The following ANKRD31 variants were observed in gnomAD, a reference collection of about 807,000 sequenced individuals.
ANKRD31 encodes the protein ankyrin repeat domain 31, also known as ankyrin repeat domain-containing protein 31.
ANKRD31 carries 147 observed loss-of-function variants against 186.0 expected under a neutral mutation model. The observed-to-expected ratio is 0.79, with a 90% confidence interval of 0.69 to 0.91. ANKRD31 has a LOEUF of 0.91. ANKRD31 is among the 40% of genes least tolerant of loss of function. The probability of loss-of-function intolerance (pLI) is 0.00; values close to 1 mark genes in which losing one functional copy is unlikely to be tolerated. For missense variants in ANKRD31, 1,986 were observed against 2,148.8 expected, an observed-to-expected ratio of 0.92 and a Z score of 1.50; for synonymous variants, 673 against 736.4, an observed-to-expected ratio of 0.91 and a Z score of 1.39.
chr5:75,141,271 A>T (rs1337665679), intron 15 of ANKRD31, among the ~76,000 whole-genome samples: 1 of 152,194 alleles, frequency 6.6e-6, no homozygotes, highest in Non-Finnish European at 1.5e-5. Context: ...TGGCACCCAG[A>T]CAAAAACATA....
chr5:75,224,129 T>TTATATATATA (rs148986776), intron 2 of ANKRD31, among the ~76,000 whole-genome samples: 60 of 105,758 alleles, frequency 5.7e-4, no homozygotes, highest in South Asian at 1.4e-3. Flanking sequence ...TCAGAAATAA[T>TTATATATATA]TATATATATA....
At chr5:75,154,366 T>C in intron 11 of ANKRD31, 21 bp from the exon 12 acceptor site, 1 of 1,521,478 alleles carries the variant, frequency 6.6e-7, no homozygotes, top group Non-Finnish European at 8.8e-7. Context: ...GTTATTTATG[T>C]AAGGGAACCC....
At chr5:75,174,009 T>C (rs1047385963) in intron 10 of ANKRD31, among the ~76,000 whole-genome samples, 4 of 152,198 alleles carry the variant, frequency 2.6e-5, no homozygotes, top group African/African-American at 9.7e-5. Context: ...CAAAACAGCA[T>C]GGTACTCGTA....
chr5:75,109,587 G>A (rs1479254851), intron 20 of ANKRD31, among the ~76,000 whole-genome samples: 1 of 152,192 alleles, frequency 6.6e-6, no homozygotes, highest in Non-Finnish European at 1.5e-5. Flanking sequence ...TGAACTCTAA[G>A]TTGACATGAC....
chr5:75,163,235 A>C (rs926134363), intron 11 of ANKRD31, among the ~76,000 whole-genome samples: 4 of 152,070 alleles, frequency 2.6e-5, no homozygotes, highest in South Asian at 2.1e-4. Flanking sequence ...ATTTTGGAAT[A>C]TTTGCACTAC....
intron 17 of ANKRD31, 84 bp from the exon 18 acceptor site, chr5:75,118,381 A>G: frequency 5.9e-6 from 7 of 1,181,550 alleles, no homozygotes; most frequent in Non-Finnish European, 7.8e-6. Flanking sequence ...ACTGCCAAGC[A>G]TTAAAAGCTA....
At chr5:75,223,739 C>T (rs192055816) in intron 2 of ANKRD31, among the ~76,000 whole-genome samples, 42 of 152,212 alleles carry the variant, frequency 2.8e-4, no homozygotes, top group African/African-American at 9.6e-4. Context: ...ATGCCCTAAC[C>T]GCCAATGTGA....
At position 75,105,013 on chromosome 5, in the gene ANKRD31, G is replaced by T; in HGVS notation, c.4546C>A (p.Gln1516Lys). Residue 1516 changes from glutamine (Q) to lysine (K), a missense_variant, in exon 22 of 26, where the codon CAA becomes AAA. Gln to Lys is a moderately conservative substitution (Grantham distance 53, BLOSUM62 1). Transcript: ENST00000506364. Reference protein sequence around the residue: ...RSEISSEKDSQELTSLENLEH... With the variant: ...RSEISSEKDSKELTSLENLEH... ...AAATTTTCCAGACTAGTGAGCTCTT[G>T]GCTGTCTTTTTCACTAGAGATTTCT... 1 of 1,536,778 alleles carries T rather than the reference G, an allele frequency of 6.5e-7. No individual in the cohort carries two copies. Among genetic ancestry groups the T allele is most frequent in the African/African-American group, 1.4e-5 (1 of 73,064 alleles).
At chr5:75,204,380 ATT>A (rs1756016765) in intron 5 of ANKRD31, among the ~76,000 whole-genome samples, 1 of 152,214 alleles carries the variant, frequency 6.6e-6, no homozygotes, top group African/African-American at 2.4e-5. Flanking sequence ...TGACCAGCCA[ATT>A]ATCTGGCTTT....
At chr5:75,091,730 C>T (rs1352541528) in intron 22 of ANKRD31, among the ~76,000 whole-genome samples, 1 of 152,158 alleles carries the variant, frequency 6.6e-6, no homozygotes, top group East Asian at 1.9e-4. Context: ...CTCCCTGTTA[C>T]AGGGCTGTCT....
intron 17 of ANKRD31, among the ~76,000 whole-genome samples, chr5:75,123,999 C>A (rs1469067617): frequency 6.6e-6 from 1 of 151,998 alleles, no homozygotes. Flanking sequence ...AGACAACCTG[C>A]AGATAGGGGG....
intron 22 of ANKRD31, among the ~76,000 whole-genome samples, chr5:75,095,436 T>G (rs1452037294): frequency 6.6e-6 from 1 of 151,512 alleles, no homozygotes; most frequent in African/African-American, 2.4e-5. Context: ...ATCAGACTAC[T>G]GCACTCCAGT....
At position 75,205,915 on chromosome 5, in the gene ANKRD31, A is replaced by T. The variant is rs551907340; in HGVS notation, c.403+496T>A. Among the ~76,000 whole-genome samples the T allele has an allele frequency of 3.9e-5, 6 of 152,106 alleles. No homozygotes were observed. In the East Asian group the frequency reaches 9.7e-4, roughly 25 times the overall value. Reference sequence around the variant, plus strand: ...GTGACTGCCAGTCAAGAAAGACATGAAATTCTTATTAAAAATCTTATGAAC... The same window carrying T: ...GTGACTGCCAGTCAAGAAAGACATGTAATTCTTATTAAAAATCTTATGAAC... On this transcript the variant is annotated intron_variant, in intron 5 of 25. Coordinates refer to ENST00000506364, the MANE Select transcript of ANKRD31 (RefSeq NM_001372053.1).
intron 11 of ANKRD31, among the ~76,000 whole-genome samples, chr5:75,166,474 AC>A (rs1395018306): frequency 1.1e-4 from 17 of 152,170 alleles, no homozygotes; most frequent in South Asian, 2.1e-4. Flanking sequence ...CTTGTCTAAA[AC>A]AAAAACAAAA....
intron 17 of ANKRD31, among the ~76,000 whole-genome samples, chr5:75,135,368 A>T (rs1750482564): frequency 6.6e-6 from 1 of 152,212 alleles, no homozygotes; most frequent in Non-Finnish European, 1.5e-5. Flanking sequence ...CCTATACACC[A>T]ATAACAGACA....
At chr5:75,229,603 A>T (rs1757819636) in intron 2 of ANKRD31, among the ~76,000 whole-genome samples, 1 of 152,182 alleles carries the variant, frequency 6.6e-6, no homozygotes, top group South Asian at 2.1e-4. Context: ...AAATCAACTC[A>T]TACCTGTAAT....
chr5:75,204,074 C>G lies in ANKRD31; in HGVS notation c.403+2337G>C, dbSNP rs192564432. Among the ~76,000 whole-genome samples, 90 of 152,222 alleles carry G rather than the reference C, an allele frequency of 5.9e-4. 1 individual carries two copies. The highest frequency in any genetic ancestry group is 2.1e-3 in the African/African-American group (86 of 41,562). ...AACTTCTATATCTAAGACATGAAAA[C>G]TTGAAAATTACTATTTAACATTTAA... is the stretch of plus-strand genomic sequence containing the variant. On this transcript the variant is annotated intron_variant, in intron 5 of 25. Coordinates refer to ENST00000506364, the MANE Select transcript of ANKRD31 (RefSeq NM_001372053.1).
chr5:75,118,351 C>CATCTT, intron 17 of ANKRD31, 54 bp from the exon 18 acceptor site: 1 of 1,308,048 alleles, frequency 7.6e-7, no homozygotes, highest in Non-Finnish European at 9.9e-7. Context: ...TGAATAATTT[C>CATCTT]TGTTTTCATC....
chr5:75,216,184 T>C (rs1756947333), intron 3 of ANKRD31, among the ~76,000 whole-genome samples: 1 of 152,162 alleles, frequency 6.6e-6, no homozygotes. Flanking sequence ...TACTATCTGA[T>C]GATAAAGTTT....
Sources: allele counts gnomAD v4.1 joint callset (sites outside exome capture counted in the v4.1 genomes callset), GRCh38; gene constraint gnomAD v4.1.1; transcripts MANE v1.5; gene names NCBI Gene and HGNC (gene_info 2026-07-23, HGNC 2026-07-21).